Variants in TMPRSS6 observed in about 807,000 individuals in gnomAD.
TMPRSS6 encodes the protein transmembrane serine protease 6, also known as transmembrane protease serine 6.
TMPRSS6 carries 67 observed loss-of-function variants against 101.5 expected under a neutral mutation model. The observed-to-expected ratio is 0.66, with a 90% CI of 0.54 to 0.81. The LOEUF (loss-of-function observed/expected upper bound fraction) is 0.81, where lower values mean the gene tolerates loss of function less well. Among genes scored for constraint, TMPRSS6 ranks in the 30% least tolerant of loss-of-function variants. The pLI, the probability that TMPRSS6 is intolerant of heterozygous loss-of-function variation, is 0.00. For synonymous variants in TMPRSS6, 453 were observed against 464.9 expected (o/e 0.97, Z 0.33); for missense variants, 1,034 against 1,088.7 (o/e 0.95, Z 0.71).
chr22:37,078,785 A>AAGGAGGAGGAGGAGGAGGAGG (rs1491017290), intron 10 of TMPRSS6, among the ~76,000 whole-genome samples: 1 of 23,770 alleles, frequency 4.2e-5, no homozygotes, highest in African/African-American at 1.0e-3. Context: ...GGAGGAGGAG[A>AAGGAGGAGGAGGAGGAGGAGG]AGAAGAAGGA....
At position 37,083,990 on chromosome 22, in the gene TMPRSS6, G is replaced by C. The variant is rs1928465417; in HGVS notation, c.1196+305C>G. 16 of 556,118 alleles carry C rather than the reference G, an allele frequency of 2.9e-5. No individual in the cohort carries two copies. In the South Asian group the frequency reaches 4.2e-4, roughly 14 times the overall value. The allele number at this position is 556,118 out of a possible 1,614,324, so 34.4% of individuals were successfully genotyped here. A position where few individuals can be genotyped will look rare whatever the true frequency, so the allele number is the denominator to read the frequency against. On this transcript the variant is annotated intron_variant, in intron 10 of 17. Transcript: ENST00000676104. ...TGAAGGATTGAGGGTGCCAGAGGGG[G>C]TTACAGCACCCAAGAAGATGAGACA...
rs1930308915 is a variant in TMPRSS6 at position 37,101,503 on chromosome 22, C to T, written c.202+1713G>A. ...AGTGTCACTGGTCACTTGTGCACCTCCTCTTCCAGACAGGGCAGGGCGTGT... is the reference window on the plus strand; with the variant it reads ...AGTGTCACTGGTCACTTGTGCACCTTCTCTTCCAGACAGGGCAGGGCGTGT... On this transcript the variant is annotated intron_variant, in intron 2 of 17. Coordinates refer to ENST00000676104, the MANE Select transcript of TMPRSS6 (RefSeq NM_001374504.1). The surrounding 1 kb of genome is among the most constrained non-coding windows in gnomAD (Gnocchi z 4.1). 6.6e-6 allele frequency among the ~76,000 whole-genome samples: 1 copy of T among 152,110 alleles called. No individual in the cohort carries two copies. Among genetic ancestry groups the T allele is most frequent in the African/African-American group, 2.4e-5 (1 of 41,392 alleles).
At chr22:37,083,903 C>G (rs1356769306) in intron 10 of TMPRSS6, 1 of 477,742 alleles carries the variant, frequency 2.1e-6, no homozygotes, top group Non-Finnish European at 3.7e-6. Flanking sequence ...GATGGTACGC[C>G]TTGGGTTTAG....
At chr22:37,099,056 C>T (rs947499525) in intron 2 of TMPRSS6, among the ~76,000 whole-genome samples, 2 of 152,240 alleles carry the variant, frequency 1.3e-5, no homozygotes, top group Non-Finnish European at 2.9e-5. Flanking sequence ...CTCTGGCAAC[C>T]ACACAGCATG....
Position 37,069,088 on chromosome 22 carries a change from C to T in TMPRSS6, c.2098G>A (p.Ala700Thr). ...GLHCWITGWG[A>T]LREGGPISNA... is the part of the protein sequence containing the mutation. ...CGCTGCTCACCGCCCTCGCGCAAGG[C>T]GCCCCAGCCCGTAATCCAGCAGTGC... Residue 700 changes from alanine (A) to threonine (T), a missense_variant, in exon 16 of 18, where the codon GCC becomes ACC. Physicochemically the swap from Ala to Thr is moderately conservative, Grantham distance 58. Transcript: ENST00000676104. The surrounding 1 kb of genome is among the most constrained non-coding windows in gnomAD (Gnocchi z 4.8). 2 of 1,543,052 alleles carry T rather than the reference C, an allele frequency of 1.3e-6. No individual in the cohort carries two copies. Among genetic ancestry groups the T allele is most frequent in the Non-Finnish European group, 1.7e-6 (2 of 1,149,614 alleles).
At position 37,103,255 on chromosome 22, in the gene TMPRSS6, C is replaced by A. The variant is rs1298407272; in HGVS notation, c.163G>T (p.Val55Leu). 2.5e-6 allele frequency: 4 copies of A among 1,614,074 alleles called. No homozygotes were observed. Among genetic ancestry groups the A allele is most frequent in the Admixed American group, 1.7e-5 (1 of 60,030 alleles). The change falls in exon 2 of 18, where the codon GTG becomes TTG. Residue 55 changes from valine (V) to leucine (L), a missense_variant. Val to Leu is a conservative substitution (Grantham distance 32). Transcript: ENST00000676104. The surrounding 1 kb of genome is among the most constrained non-coding windows in gnomAD (Gnocchi z 4.4). ...VPLFVLLALL[V>L]LASAGVLLWY... Reference sequence around the variant, plus strand: ...AGTAGCACCCCCGCCGAAGCCAGCACGAGCAGGGCCAGCAGCACAAACAGG... The same window carrying A: ...AGTAGCACCCCCGCCGAAGCCAGCAAGAGCAGGGCCAGCAGCACAAACAGG...
At position 37,065,736 on chromosome 22, in the gene TMPRSS6, C is replaced by T. The variant is rs1437457961; in HGVS notation, c.*344G>A. 3.2e-5 allele frequency: 12 copies of T among 371,550 alleles called. No homozygotes were observed. The highest frequency in any genetic ancestry group is 5.1e-6 in the Non-Finnish European group (1 of 194,404). 23.0% of individuals were successfully genotyped at this position (371,550 alleles called of 1,614,324 possible). A position where few individuals can be genotyped will look rare whatever the true frequency, so the allele number is the denominator to read the frequency against. On this transcript the variant is annotated 3_prime_UTR_variant, in exon 18 of 18. Transcript: ENST00000676104. ...CCTCTGTACAGAGTGGGGCGCACCT[C>T]AGACACTCCTCGGGATGTAGAACCA...
chr22:37,078,960 A>G (rs1374842953), intron 10 of TMPRSS6, among the ~76,000 whole-genome samples: 1 of 97,302 alleles, frequency 1.0e-5, no homozygotes, highest in African/African-American at 3.9e-5. Flanking sequence ...AGAAAAAGAG[A>G]AAGAAAGAAA....
chr22:37,090,923 C>T (rs541929603), intron 6 of TMPRSS6, among the ~76,000 whole-genome samples: 2 of 152,190 alleles, frequency 1.3e-5, no homozygotes, highest in Admixed American at 6.5e-5. Context: ...CAGCTGGCCC[C>T]GCCTGAGGCT....
chr22:37,102,281 A>T (rs916787782), intron 2 of TMPRSS6, among the ~76,000 whole-genome samples: 2 of 152,222 alleles, frequency 1.3e-5, no homozygotes, highest in Admixed American at 6.5e-5. Context: ...GCTATGCTTT[A>T]GCGTAAATGT....
intron 1 of TMPRSS6, among the ~76,000 whole-genome samples, chr22:37,106,424 T>C (rs943545983): frequency 1.3e-5 from 2 of 152,046 alleles, no homozygotes; most frequent in African/African-American, 4.8e-5. Flanking sequence ...TCCTTCTCTA[T>C]GCAGATTTTG....
chr22:37,070,520 C>T lies in TMPRSS6; in HGVS notation c.1805G>A (p.Trp602Ter). The change falls in exon 15 of 18, where the codon TGG becomes TAG. Residue 602 changes from tryptophan to a stop codon, truncating the protein, a stop_gained. Transcript: ENST00000676104. LOFTEE classifies it high-confidence loss of function. ...ICGGALIADRWVITAAHCFQE... is the reference protein window; with the variant it reads ...ICGGALIADR ...GAAGCAGTGGGCAGCTGTTATCACC[C>T]AGCGGTCAGCGATGAGGGCCCCCCC... 1.2e-6 allele frequency: 2 copies of T among 1,613,472 alleles called. No individual in the cohort carries two copies. Among genetic ancestry groups the T allele is most frequent in the Non-Finnish European group, 1.7e-6 (2 of 1,180,022 alleles).
Position 37,069,065 on chromosome 22 carries a change from C to T in TMPRSS6, c.2113+8G>A, listed in dbSNP as rs1399434619. 1.3e-6 allele frequency: 2 copies of T among 1,538,800 alleles called. No homozygotes were observed. Among genetic ancestry groups the T allele is most frequent in the Non-Finnish European group, 1.7e-6 (2 of 1,147,940 alleles). On this transcript the variant is annotated splice_region_variant and intron_variant, in intron 16 of 17. Transcript: ENST00000676104. The surrounding 1 kb of genome is among the most constrained non-coding windows in gnomAD (Gnocchi z 4.8). ...CTCCGCCTCCCGCCGCAAGTCCCCG[C>T]TGCTCACCGCCCTCGCGCAAGGCGC...
intron 10 of TMPRSS6, among the ~76,000 whole-genome samples, chr22:37,082,168 C>T (rs1339187269): frequency 1.3e-5 from 2 of 152,174 alleles, no homozygotes; most frequent in Non-Finnish European, 2.9e-5. Context: ...GACCCATCTG[C>T]GTGCCACCTA....
chr22:37,075,345 G>T (rs9610643), intron 10 of TMPRSS6, 65 bp from the exon 11 acceptor site: 1 of 1,600,426 alleles, frequency 6.2e-7, no homozygotes, highest in East Asian at 2.2e-5. Flanking sequence ...TGCACAGACA[G>T]AGCAAGGACA....
intron 4 of TMPRSS6, among the ~76,000 whole-genome samples, 167 bp from the exon 5 acceptor site, chr22:37,096,257 T>A (rs948157694): frequency 3.3e-5 from 5 of 152,236 alleles, no homozygotes; most frequent in African/African-American, 1.2e-4. Context: ...ATAATCCTTA[T>A]TTTACGAATG....
chr22:37,086,544 T>A lies in TMPRSS6; in HGVS notation c.837-125A>T, dbSNP rs537943934. On this transcript the variant is annotated intron_variant, in intron 7 of 17. Transcript: ENST00000676104. ...GACATCTGGGTTCTGGGTCCGGGTC[T>A]CCTACCAGAGACCACTGTGTGTCTG... The A allele has an allele frequency of 4.9e-6, 5 of 1,025,430 alleles. No homozygotes were observed. In the Admixed American group the frequency reaches 1.0e-4, roughly 21 times the overall value. 63.5% of individuals were successfully genotyped at this position (1,025,430 alleles called of 1,614,324 possible).
intron 6 of TMPRSS6, 113 bp downstream of exon 6, chr22:37,095,438 G>C (rs1929657200): frequency 9.4e-6 from 13 of 1,379,808 alleles, no homozygotes; most frequent in South Asian, 1.2e-5. Context: ...GTGACTCTTG[G>C]CCAGGGCTCC....
At chr22:37,072,211 GGAT>G (rs745703114) in intron 13 of TMPRSS6, among the ~76,000 whole-genome samples, 25 of 138,678 alleles carry the variant, frequency 1.8e-4, no homozygotes, top group African/African-American at 6.6e-4. Context: ...ATGGATGGAT[GGAT>G]GATGGATGGA....
Sources: allele counts gnomAD v4.1 joint callset (sites outside exome capture counted in the v4.1 genomes callset), GRCh38; gene constraint gnomAD v4.1.1; non-coding constraint Gnocchi (gnomAD v3.1); transcripts MANE v1.5; gene names NCBI Gene and HGNC (gene_info 2026-07-23, HGNC 2026-07-21).